Variants in HSD17B2 observed in about 807,000 individuals in gnomAD.
The protein encoded by HSD17B2 is hydroxysteroid 17-beta dehydrogenase 2, also known as 17-beta-hydroxysteroid dehydrogenase type 2.
In HSD17B2, 32 loss-of-function variants were observed where a neutral mutation model predicts 26.9. The observed-to-expected ratio is 1.19, with a 90% CI of 0.90 to 1.60. HSD17B2 has a LOEUF of 1.60. Ranked by LOEUF, HSD17B2 falls within the 40% of genes most tolerant of loss-of-function variation. HSD17B2 has a pLI of 0.00. For synonymous variants in HSD17B2, 246 were observed against 186.7 expected, an observed-to-expected ratio of 1.32 and a Z score of -2.59; for missense variants, 613 against 468.6, an observed-to-expected ratio of 1.31 and a Z score of -2.85.
chr16:82,058,905 G>C (rs1484509218), intron 1 of HSD17B2, among the ~76,000 whole-genome samples: 2 of 152,138 alleles, frequency 1.3e-5, no homozygotes, highest in Non-Finnish European at 2.9e-5. Flanking sequence ...CTGTGAGAAG[G>C]TGATGGGTTG....
chr16:82,051,771 G>A (rs896403769), intron 1 of HSD17B2, among the ~76,000 whole-genome samples: 9 of 152,342 alleles, frequency 5.9e-5, no homozygotes, highest in South Asian at 4.1e-4. Flanking sequence ...CTTCGGAATC[G>A]TTAGTTGCAG....
intron 1 of HSD17B2, among the ~76,000 whole-genome samples, chr16:82,060,118 T>G (rs564222569): frequency 6.6e-6 from 1 of 152,332 alleles, no homozygotes; most frequent in South Asian, 2.1e-4. Flanking sequence ...AACATTTTAT[T>G]ATACCTTAAT....
Position 82,098,460 on chromosome 16 carries a change from C to A in HSD17B2, c.*24C>A. On this transcript the variant is annotated 3_prime_UTR_variant, in exon 5 of 5. Coordinates refer to ENST00000199936, the MANE Select transcript of HSD17B2 (RefSeq NM_002153.3). Reference sequence around the variant, plus strand: ...AGGCAATGGAAGCCCTCAAAGAAGTCGGAATGTCATAGTCTTGAAATGAAA... The same window carrying A: ...AGGCAATGGAAGCCCTCAAAGAAGTAGGAATGTCATAGTCTTGAAATGAAA... The A allele has an allele frequency of 1.3e-6, 2 of 1,561,684 alleles. No homozygotes were observed. The highest frequency in any genetic ancestry group is 2.4e-5 in the South Asian group (2 of 81,960).
chr16:82,074,520 A>G (rs990800693), intron 3 of HSD17B2, among the ~76,000 whole-genome samples: 1 of 152,234 alleles, frequency 6.6e-6, no homozygotes, highest in Admixed American at 6.5e-5. Flanking sequence ...ATTTCATGCA[A>G]ATGGGAACCA....
chr16:82,052,616 G>A (rs1462129003), intron 1 of HSD17B2, among the ~76,000 whole-genome samples: 1 of 152,190 alleles, frequency 6.6e-6, no homozygotes, highest in Non-Finnish European at 1.5e-5. Context: ...GTCCCACTAG[G>A]AGAGTAAATG....
chr16:82,036,494 C>T (rs192006365), intron 1 of HSD17B2, among the ~76,000 whole-genome samples: 2 of 151,330 alleles, frequency 1.3e-5, no homozygotes, highest in Non-Finnish European at 2.9e-5. Context: ...GAAAGCCCTA[C>T]CAAATAAAAA....
At chr16:82,064,374 G>T (rs1209888570) in intron 1 of HSD17B2, among the ~76,000 whole-genome samples, 1 of 152,110 alleles carries the variant, frequency 6.6e-6, no homozygotes, top group African/African-American at 2.4e-5. Context: ...ATATCTCACT[G>T]TTGGGTATAC....
chr16:82,061,219 C>G, intron 1 of HSD17B2, among the ~76,000 whole-genome samples: 1 of 151,142 alleles, frequency 6.6e-6, no homozygotes, highest in Admixed American at 6.6e-5. Flanking sequence ...GATTGTGCCA[C>G]TGCACTCAAG....
At chr16:82,067,315 A>G (rs888454902) in intron 1 of HSD17B2, among the ~76,000 whole-genome samples, 3 of 152,208 alleles carry the variant, frequency 2.0e-5, no homozygotes, top group Admixed American at 1.3e-4. Context: ...GTTAACTGTT[A>G]TATGTTTATT....
chr16:82,084,500 C>T (rs1044329882), intron 3 of HSD17B2, among the ~76,000 whole-genome samples: 62 of 152,262 alleles, frequency 4.1e-4, no homozygotes, highest in African/African-American at 1.4e-3. Flanking sequence ...AGGGACCTCT[C>T]AACGGAGAGA....
intron 2 of HSD17B2, among the ~76,000 whole-genome samples, chr16:82,070,389 C>G (rs566727434): frequency 6.6e-6 from 1 of 152,334 alleles, no homozygotes; most frequent in Admixed American, 6.5e-5. Flanking sequence ...CTTCTTCCAC[C>G]TCGGCTATCC....
At chr16:82,080,405 A>G (rs1242127288) in intron 3 of HSD17B2, among the ~76,000 whole-genome samples, 2 of 152,156 alleles carry the variant, frequency 1.3e-5, no homozygotes, top group Admixed American at 6.5e-5. Flanking sequence ...GGTCAGAGTC[A>G]GAGAGAAACT....
chr16:82,088,138 G>C (rs948270614), intron 3 of HSD17B2, among the ~76,000 whole-genome samples: 19 of 152,308 alleles, frequency 1.2e-4, no homozygotes, highest in African/African-American at 4.3e-4. Context: ...TAAGTATTAA[G>C]TGCAGATTCT....
chr16:82,043,256 C>T (rs913532835), intron 1 of HSD17B2, among the ~76,000 whole-genome samples: 3 of 152,158 alleles, frequency 2.0e-5, no homozygotes, highest in African/African-American at 7.2e-5. Context: ...GGGACTGGGG[C>T]TCCCCAGGCA....
At position 82,042,782 on chromosome 16, in the gene HSD17B2, CAGCTAA is replaced by C. The variant is rs141282117; in HGVS notation, c.265+7094_265+7099del. 4.8e-3 allele frequency among the ~76,000 whole-genome samples: 727 copies of C among 152,136 alleles called. 3 individuals carry two copies. The highest frequency in any genetic ancestry group is 0.017 in the African/African-American group (691 of 41,528). On this transcript the variant is annotated intron_variant, in intron 1 of 4. Transcript: ENST00000199936. ...GATTATAGGCACCCACCACCATGCT[CAGCTAA>C]TTTTGTATTTTTAGTAGAGATGGGC...
At chr16:82,096,159 T>G (rs1456105973) in intron 4 of HSD17B2, 7 of 152,242 alleles carry the variant, frequency 4.6e-5, no homozygotes, top group African/African-American at 1.4e-4. Flanking sequence ...ACACTTCATA[T>G]ATTTTTAAAA....
chr16:82,072,378 T>A (rs1481580877), intron 3 of HSD17B2, among the ~76,000 whole-genome samples: 2 of 152,240 alleles, frequency 1.3e-5, no homozygotes, highest in East Asian at 3.8e-4. Context: ...AATATTTTCC[T>A]AATCTTTGTT....
At chr16:82,067,207 G>C (rs956657355) in intron 1 of HSD17B2, among the ~76,000 whole-genome samples, 1 of 152,118 alleles carries the variant, frequency 6.6e-6, no homozygotes, top group Admixed American at 6.5e-5. Flanking sequence ...ATTCTTGGCG[G>C]GCATGTCTGA....
chr16:82,081,715 A>G (rs1328061278), intron 3 of HSD17B2, among the ~76,000 whole-genome samples: 1 of 152,192 alleles, frequency 6.6e-6, no homozygotes, highest in Non-Finnish European at 1.5e-5. Flanking sequence ...AGTTATTACT[A>G]TTTTTATTAA....
Sources: gnomAD v4.1 joint callset for allele counts (sites outside exome capture counted in the v4.1 genomes callset) on GRCh38, gnomAD v4.1.1 for gene constraint, MANE v1.5 for transcripts, NCBI Gene and HGNC (gene_info 2026-07-23, HGNC 2026-07-21) for gene names.